The following NEO1 variants were observed in gnomAD, a reference collection of about 807,000 sequenced individuals.
NEO1 encodes neogenin.
In NEO1, 63 loss-of-function variants were observed where a neutral mutation model predicts 159.7. The observed-to-expected ratio is 0.39, with a 90% confidence interval of 0.32 to 0.49. The LOEUF (loss-of-function observed/expected upper bound fraction) is 0.49, where lower values mean the gene tolerates loss of function less well. NEO1 is among the 20% of genes least tolerant of loss of function. The pLI is 0.85. For synonymous variants in NEO1, 633 were observed against 662.0 expected (o/e 0.96, Z 0.67); for missense variants, 1,615 against 1,831.0 (o/e 0.88, Z 2.15).
intron 1 of NEO1, among the ~76,000 whole-genome samples, chr15:73,104,110 C>T (rs960983890): frequency 6.6e-6 from 1 of 152,152 alleles, no homozygotes; most frequent in Non-Finnish European, 1.5e-5. Flanking sequence ...GATCATCTTG[C>T]CTTGGCTTCC....
chr15:73,062,964 A>G (rs986143058), intron 1 of NEO1, among the ~76,000 whole-genome samples: 2 of 152,246 alleles, frequency 1.3e-5, no homozygotes, highest in Non-Finnish European at 2.9e-5. Flanking sequence ...GGAAGGAAAA[A>G]GAAAGCCTGG....
chr15:73,176,310 C>A, intron 5 of NEO1, 93 bp from the exon 6 acceptor site: 1 of 841,000 alleles, frequency 1.2e-6, no homozygotes, highest in Non-Finnish European at 1.7e-6. Flanking sequence ...GAGTAAAAAT[C>A]CTGTGGATTT....
intron 28 of NEO1, among the ~76,000 whole-genome samples, chr15:73,302,262 G>T (rs1308717778): frequency 2.0e-5 from 3 of 152,176 alleles, no homozygotes; most frequent in Non-Finnish European, 4.4e-5. Flanking sequence ...CCAGGTACAG[G>T]ATTCTCTAAG....
rs754993661 is a variant in NEO1, at chr15:73,258,777, G to T, written c.2104G>T (p.Gly702Trp). The change falls in exon 14 of 29, where the codon GGG becomes TGG. Residue 702 changes from glycine to tryptophan, a missense_variant. By Grantham distance (184) the Gly-to-Trp change is radical. Around this residue, in one of 3 missense-constraint regions of NEO1, gnomAD observed 1,018 missense variants for 1,115.4 expected, o/e 0.91. Transcript: ENST00000261908. ...LSQLIEGLDR[G>W]TEYNFRVAAL... Reference sequence around the variant, plus strand: ...TCATTTGGTCTCAGGTCTTGATCGGGGGACTGAGTATAATTTCCGAGTGGC... The same window carrying T: ...TCATTTGGTCTCAGGTCTTGATCGGTGGACTGAGTATAATTTCCGAGTGGC... 6.2e-7 allele frequency: 1 copy of T among 1,613,790 alleles called. No homozygotes were observed. Among genetic ancestry groups the T allele is most frequent in the Non-Finnish European group, 8.5e-7 (1 of 1,179,776 alleles).
At chr15:73,214,128 TTTG>T (rs2037743770) in intron 7 of NEO1, among the ~76,000 whole-genome samples, 1 of 152,192 alleles carries the variant, frequency 6.6e-6, no homozygotes, top group African/African-American at 2.4e-5. Flanking sequence ...TTCTTACTGT[TTTG>T]TTTAAATTTT....
At chr15:73,230,943 G>C (rs1223138239) in intron 7 of NEO1, among the ~76,000 whole-genome samples, 1 of 151,930 alleles carries the variant, frequency 6.6e-6, no homozygotes, top group Non-Finnish European at 1.5e-5. Context: ...TTTGACCCTA[G>C]GATTGTTTAA....
At chr15:73,272,647 A>C in intron 19 of NEO1, 85 bp downstream of exon 19, 1 of 982,302 alleles carries the variant, frequency 1.0e-6, no homozygotes. Context: ...TTGCTGGGAG[A>C]AGTGGGAGTC....
chr15:73,100,419 G>C (rs7184025), intron 1 of NEO1, among the ~76,000 whole-genome samples: 106,484 of 151,386 alleles, frequency 0.7, 38,408 homozygotes, highest in African/African-American at 0.88. Context: ...ACTGCACCCT[G>C]TGCCTCCCAG....
At chr15:73,069,310 C>A (rs139094924) in intron 1 of NEO1, among the ~76,000 whole-genome samples, 1 of 151,870 alleles carries the variant, frequency 6.6e-6, no homozygotes, top group South Asian at 2.1e-4. Flanking sequence ...TTGCCAGCTG[C>A]GTTTTGGGGC....
chr15:73,217,385 T>C (rs1473817487), intron 7 of NEO1, among the ~76,000 whole-genome samples: 2 of 148,486 alleles, frequency 1.3e-5, no homozygotes, highest in African/African-American at 2.5e-5. Flanking sequence ...CTTTGTTCTT[T>C]TGGCTTAGGA....
At chr15:73,072,424 A>G (rs753780368) in intron 1 of NEO1, among the ~76,000 whole-genome samples, 5 of 152,206 alleles carry the variant, frequency 3.3e-5, no homozygotes, top group Non-Finnish European at 5.9e-5. Flanking sequence ...GTCATCTGAA[A>G]GTCTCATGTA....
At chr15:73,056,885 CTGTT>C (rs2067730772) in intron 1 of NEO1, among the ~76,000 whole-genome samples, 1 of 152,116 alleles carries the variant, frequency 6.6e-6, no homozygotes, top group Non-Finnish European at 1.5e-5. Flanking sequence ...CTCTGCCTGT[CTGTT>C]AGAATGAGGC....
At chr15:73,200,164 T>C (rs1282185440) in intron 7 of NEO1, among the ~76,000 whole-genome samples, 2 of 152,226 alleles carry the variant, frequency 1.3e-5, no homozygotes, top group African/African-American at 4.8e-5. Context: ...TATCTAGGCC[T>C]AGTGCATTCT....
chr15:73,157,979 G>T (rs886821652), intron 5 of NEO1, among the ~76,000 whole-genome samples: 1 of 152,094 alleles, frequency 6.6e-6, no homozygotes, highest in Non-Finnish European at 1.5e-5. Flanking sequence ...ATTCTGGGAG[G>T]CTGAGACAAG....
chr15:73,254,689 T>C lies in NEO1; in HGVS notation c.1952T>C (p.Met651Thr). The change falls in exon 13 of 29, where the codon ATG becomes ACG. Residue 651 changes from methionine (M) to threonine (T), a missense_variant. Transcript: ENST00000261908. ...TAATTCTGTCTTGTGCAGAGTATTA[T>C]GATTCACTGGCAGCCACCTGCTCCA... is the stretch of plus-strand genomic sequence containing the variant. Reference protein sequence around the residue: ...SLEVRNSKSIMIHWQPPAPAT... With the variant: ...SLEVRNSKSITIHWQPPAPAT... 1 of 1,612,900 alleles carries C rather than the reference T, an allele frequency of 6.2e-7. No individual in the cohort carries two copies. Among genetic ancestry groups the C allele is most frequent in the African/African-American group, 1.3e-5 (1 of 74,996 alleles).
chr15:73,122,552 A>G lies in NEO1; in HGVS notation c.476A>G (p.Glu159Gly), dbSNP rs1324959310. 6.2e-7 allele frequency: 1 copy of G among 1,614,118 alleles called. No individual in the cohort carries two copies. The highest frequency in any genetic ancestry group is 1.7e-5 in the Admixed American group (1 of 60,022). The change falls in exon 3 of 29, where the codon GAA becomes GGA. Residue 159 changes from glutamate (E) to glycine (G), a missense_variant. Transcript: ENST00000261908. ...AGLPRFTSQP[E>G]PSSVYAGNNA... The stretch of plus-strand genomic sequence containing the variant: ...CTTCCAAGATTTACCAGCCAACCAG[A>G]ACCTTCCTCAGTTTATGCTGGGAAC...
intron 16 of NEO1, among the ~76,000 whole-genome samples, chr15:73,268,248 G>C (rs539915082): frequency 4.6e-5 from 7 of 152,140 alleles, no homozygotes; most frequent in African/African-American, 1.7e-4. Flanking sequence ...TTAAATAAGT[G>C]GTCTGCTACT....
intron 5 of NEO1, among the ~76,000 whole-genome samples, chr15:73,148,185 C>T (rs2033085082): frequency 6.6e-6 from 1 of 152,126 alleles, no homozygotes; most frequent in African/African-American, 2.4e-5. Flanking sequence ...AAAGGGGTAT[C>T]ATCAAATCTA....
chr15:73,254,705 A>G lies in NEO1; in HGVS notation c.1968A>G (p.Pro656=). 6.2e-7 allele frequency: 1 copy of G among 1,613,680 alleles called. No individual in the cohort carries two copies. Among genetic ancestry groups the G allele is most frequent in the Non-Finnish European group, 8.5e-7 (1 of 1,179,842 alleles). ...NSKSIMIHWQ[P]PAPATQNGQI... is the part of the protein sequence containing the mutation. ...AGAGTATTATGATTCACTGGCAGCC[A>G]CCTGCTCCAGCCACACAAAATGGGC... is the stretch of plus-strand genomic sequence containing the variant. The change falls in exon 13 of 29, where the codon CCA becomes CCG. Residue 656 remains proline, a synonymous_variant. Transcript: ENST00000261908.
Sources: allele counts gnomAD v4.1 joint callset (sites outside exome capture counted in the v4.1 genomes callset), GRCh38; gene constraint gnomAD v4.1.1; regional missense constraint gnomAD v4.1.1; transcripts MANE v1.5; gene names NCBI Gene and HGNC (gene_info 2026-07-23, HGNC 2026-07-21).